PCDH15: variants seen among roughly 807,000 people sequenced by gnomAD.
PCDH15 encodes the protein protocadherin related 15, also known as protocadherin-15.
In PCDH15, 129 loss-of-function variants were observed where a neutral mutation model predicts 178.5. That is an observed-to-expected ratio of 0.72 (90% CI 0.63 to 0.84). The LOEUF is 0.84. PCDH15 is among the 40% of genes least tolerant of loss of function. The pLI, the probability that PCDH15 is intolerant of heterozygous loss-of-function variation, is 0.00. For synonymous variants in PCDH15, 800 were observed against 732.0 expected (o/e 1.09, Z -1.50); for missense variants, 2,230 against 2,099.9 (o/e 1.06, Z -1.21).
rs562110153 is a variant in PCDH15, at chr10:55,505,173, A to G, written c.-156+122452T>C. 1.1e-4 allele frequency among the ~76,000 whole-genome samples: 16 copies of G among 151,568 alleles called. 1 individual carries two copies. Among genetic ancestry groups the G allele is most frequent in the African/African-American group, 3.6e-4 (15 of 41,498 alleles). On this transcript the variant is annotated intron_variant, in intron 2 of 5. Transcript: ENST00000613346. ...ATACTTATACAAAAATCTATACTGC[A>G]GTAGAAGGTTTATACAAGAGTTAGG...
intron 2 of PCDH15, among the ~76,000 whole-genome samples, chr10:55,091,881 T>C (rs1310324636): frequency 2.0e-5 from 3 of 151,906 alleles, no homozygotes; most frequent in Admixed American, 2.0e-4. Context: ...AGCTGAGAAA[T>C]GTATAGTGTA....
rs530003584 is a variant in PCDH15, at chr10:55,264,678, G to A, written c.-156+54921C>T. On this transcript the variant is annotated intron_variant, in intron 1 of 5. Coordinates refer to the PCDH15 transcript ENST00000458638. ...CACCACCCCCAGCTTATACTCCTCC[G>A]GAGTGTGTCCTGAACCACTGGGACT... is the stretch of plus-strand genomic sequence containing the variant. Among the ~76,000 whole-genome samples the A allele has an allele frequency of 5.9e-5, 9 of 152,186 alleles. No homozygotes were observed. In the East Asian group the frequency reaches 1.2e-3, roughly 20 times the overall value.
intron 25 of PCDH15, among the ~76,000 whole-genome samples, chr10:53,912,366 C>T (rs545071487): frequency 1.6e-4 from 25 of 152,268 alleles, no homozygotes; most frequent in Middle Eastern, 3.4e-3. Context: ...TGGAAGCATT[C>T]CCTTTGAAAA....
At chr10:54,952,635 A>G (rs1051242167) in intron 2 of PCDH15, among the ~76,000 whole-genome samples, 5 of 151,866 alleles carry the variant, frequency 3.3e-5, no homozygotes, top group Non-Finnish European at 7.4e-5. Context: ...TACATAGAAT[A>G]TCTTTCCGTT....
intron 9 of PCDH15, among the ~76,000 whole-genome samples, chr10:54,227,474 C>T (rs1044033418): frequency 7.9e-5 from 12 of 152,166 alleles, no homozygotes; most frequent in African/African-American, 2.4e-4. Context: ...ATCCTGGGCC[C>T]AGCCCACAGA....
Position 54,751,821 on chromosome 10 carries a change from A to T in PCDH15, c.-29+49104T>A, listed in dbSNP as rs368929270. On this transcript the variant is annotated intron_variant, in intron 1 of 37. Coordinates refer to ENST00000644397, the MANE Select transcript of PCDH15 (RefSeq NM_001384140.1). ...CAGTATCTTTATCAAGTCCCATCAG[A>T]TTAGCAACAAATTTACAAAAGTGAT... Among the ~76,000 whole-genome samples the T allele has an allele frequency of 7.2e-5, 11 of 152,286 alleles. 1 individual carries two copies. The East Asian group carries it at 1.2e-3, about 16-fold the overall frequency.
intron 20 of PCDH15, among the ~76,000 whole-genome samples, chr10:53,997,625 A>G (rs966725700): frequency 6.6e-6 from 1 of 152,198 alleles, no homozygotes; most frequent in Non-Finnish European, 1.5e-5. Flanking sequence ...AAAAATGTAT[A>G]TACTTTTCCA....
At chr10:53,926,421 A>G (rs1589454161) in intron 25 of PCDH15, among the ~76,000 whole-genome samples, 1 of 152,238 alleles carries the variant, frequency 6.6e-6, no homozygotes, top group Admixed American at 6.5e-5. Flanking sequence ...AGGTTTGGAA[A>G]AGAGATCACA....
At chr10:54,022,869 A>G (rs979296108) in intron 19 of PCDH15, 23 bp downstream of exon 19, 10 of 1,612,316 alleles carry the variant, frequency 6.2e-6, no homozygotes, top group Non-Finnish European at 8.5e-6. Flanking sequence ...GGATTCATGT[A>G]ATAAATGCTT....
chr10:54,250,161 G>A (rs905094222), intron 8 of PCDH15, among the ~76,000 whole-genome samples: 5 of 150,172 alleles, frequency 3.3e-5, no homozygotes, highest in African/African-American at 1.2e-4. Context: ...GCCCACCTCA[G>A]CCTCCCAAAG....
chr10:55,279,892 A>T (rs907134736), intron 1 of PCDH15, among the ~76,000 whole-genome samples: 1 of 152,300 alleles, frequency 6.6e-6, no homozygotes, highest in East Asian at 1.9e-4. Context: ...GATTTTCTAT[A>T]TTAACTTACA....
intron 4 of PCDH15, among the ~76,000 whole-genome samples, chr10:54,371,874 A>G (rs1947727758): frequency 6.6e-6 from 1 of 151,886 alleles, no homozygotes; most frequent in Non-Finnish European, 1.5e-5. Flanking sequence ...TAAAATAAAG[A>G]AAAATCAGGA....
At chr10:54,893,293 T>C (rs1046651577) in intron 3 of PCDH15, among the ~76,000 whole-genome samples, 1 of 152,132 alleles carries the variant, frequency 6.6e-6, no homozygotes, top group Non-Finnish European at 1.5e-5. Flanking sequence ...GAAATATGTA[T>C]TATAATGCAC....
chr10:54,756,878 C>A (rs1566145162), intron 1 of PCDH15, among the ~76,000 whole-genome samples: 1 of 152,142 alleles, frequency 6.6e-6, no homozygotes, highest in Admixed American at 6.5e-5. Context: ...TTTGATACAT[C>A]CACAGTGCAA....
intron 3 of PCDH15, among the ~76,000 whole-genome samples, chr10:54,386,796 C>CA (rs1289143204): frequency 2.0e-5 from 3 of 152,096 alleles, no homozygotes; most frequent in African/African-American, 4.8e-5. Flanking sequence ...GGCTACTAGA[C>CA]AAAAAACCTA....
chr10:55,524,253 G>A (rs1021140240), intron 2 of PCDH15, among the ~76,000 whole-genome samples: 1 of 151,486 alleles, frequency 6.6e-6, no homozygotes, highest in Non-Finnish European at 1.5e-5. Flanking sequence ...TCTGGCCCAA[G>A]GTTTTTGAGT....
chr10:54,249,244 G>A (rs1327901278), intron 8 of PCDH15, among the ~76,000 whole-genome samples: 1 of 151,694 alleles, frequency 6.6e-6, no homozygotes, highest in Non-Finnish European at 1.5e-5. Flanking sequence ...CATAACATTG[G>A]TCTTCATCAA....
At chr10:55,503,273 TTA>T (rs1224182193) in intron 2 of PCDH15, among the ~76,000 whole-genome samples, 1 of 150,610 alleles carries the variant, frequency 6.6e-6, no homozygotes, top group Non-Finnish European at 1.5e-5. Context: ...TGTAATAATC[TTA>T]TATATGCATA....
Position 54,850,577 on chromosome 10 carries a change from A to G in PCDH15, c.-29+46873T>C, listed in dbSNP as rs73256024. The stretch of plus-strand genomic sequence containing the variant: ...ATTCATTCTTAGGCATATATTTAAT[A>G]TTTGGGAATGTTTGTTTCATAATGT... On this transcript the variant is annotated intron_variant, in intron 3 of 5. Transcript: ENST00000458638. 3.7e-3 allele frequency among the ~76,000 whole-genome samples: 570 copies of G among 152,222 alleles called. 1 individual carries two copies. The highest frequency in any genetic ancestry group is 0.013 in the African/African-American group (548 of 41,544).
Sources: gnomAD v4.1 joint callset for allele counts (sites outside exome capture counted in the v4.1 genomes callset) on GRCh38, gnomAD v4.1.1 for gene constraint, MANE v1.5 for transcripts, NCBI Gene and HGNC (gene_info 2026-07-23, HGNC 2026-07-21) for gene names.